TRPM6: variants seen among roughly 807,000 people sequenced by gnomAD.
TRPM6 encodes transient receptor potential cation channel subfamily M member 6, also known as channel kinase 2.
In TRPM6, 111 loss-of-function variants were observed where a neutral mutation model predicts 247.6. The ratio of observed to expected loss-of-function variants is 0.45; its 90% confidence interval spans 0.38 to 0.52. The LOEUF is 0.52. Ranked by LOEUF, TRPM6 falls within the 20% of genes least tolerant of loss-of-function variation. The pLI, the probability that TRPM6 is intolerant of heterozygous loss-of-function variation, is 0.00. For missense variants in TRPM6, 2,126 were observed against 2,421.5 expected (o/e 0.88, Z 2.56); for synonymous variants, 892 against 853.8 (o/e 1.04, Z -0.78).
intron 1 of TRPM6, among the ~76,000 whole-genome samples, chr9:74,880,547 G>GA (rs138641839): frequency 0.012 from 1,837 of 149,930 alleles, 40 homozygotes; most frequent in African/African-American, 0.043. Flanking sequence ...TCAAAATACC[G>GA]AAAAAAAAAG....
At chr9:74,728,902 C>T (rs894927711) in intron 37 of TRPM6, among the ~76,000 whole-genome samples, 1 of 152,142 alleles carries the variant, frequency 6.6e-6, no homozygotes, top group African/African-American at 2.4e-5. Context: ...TAGAGCTGGG[C>T]TTTTTGTGGA....
At chr9:74,761,926 AAAAACAAAAC>A in intron 26 of TRPM6, 63 bp downstream of exon 26, 1 of 1,563,050 alleles carries the variant, frequency 6.4e-7, no homozygotes, top group Non-Finnish European at 8.8e-7. Flanking sequence ...CACAGATTTA[AAAAACAAAAC>A]AAAACAAAAC....
chr9:74,868,564 G>A (rs78819819), intron 1 of TRPM6, among the ~76,000 whole-genome samples: 3,647 of 152,208 alleles, frequency 0.024, 137 homozygotes, highest in African/African-American at 0.08. Flanking sequence ...AAGCACTTAT[G>A]TTAACAAATG....
intron 7 of TRPM6, 165 bp downstream of exon 7, chr9:74,827,613 G>A: frequency 1.4e-6 from 1 of 736,122 alleles, no homozygotes; most frequent in South Asian, 1.4e-5. Context: ...TACATGGAGG[G>A]AGAGAGGAGG....
At chr9:74,747,967 G>A in intron 30 of TRPM6, 53 bp from the exon 31 acceptor site, 1 of 1,558,534 alleles carries the variant, frequency 6.4e-7, no homozygotes, top group South Asian at 1.1e-5. Context: ...AAATCTTACA[G>A]TTATCAAAAA....
intron 1 of TRPM6, among the ~76,000 whole-genome samples, chr9:74,874,246 A>AC (rs1831121849): frequency 1.7e-5 from 2 of 114,922 alleles, no homozygotes; most frequent in African/African-American, 5.4e-5. Flanking sequence ...AAAAACAAAA[A>AC]AAAAAAAAAA....
intron 33 of TRPM6, among the ~76,000 whole-genome samples, chr9:74,741,494 A>T (rs1309922020): frequency 6.6e-6 from 1 of 152,124 alleles, no homozygotes; most frequent in African/African-American, 2.4e-5. Context: ...GATAAATGCC[A>T]CTGAAGATCT....
intron 7 of TRPM6, among the ~76,000 whole-genome samples, chr9:74,823,100 C>T (rs1203844315): frequency 6.6e-6 from 1 of 151,946 alleles, no homozygotes; most frequent in Non-Finnish European, 1.5e-5. Context: ...TTTTATTTTC[C>T]AAAAGAAGAA....
chr9:74,786,965 G>A (rs944118196), intron 20 of TRPM6, among the ~76,000 whole-genome samples: 34 of 152,150 alleles, frequency 2.2e-4, no homozygotes, highest in Admixed American at 1.6e-3. Context: ...TTGGGAGGCC[G>A]AGGCAGGTGG....
intron 25 of TRPM6, among the ~76,000 whole-genome samples, chr9:74,769,528 G>A (rs373735472): frequency 6.6e-6 from 1 of 152,064 alleles, no homozygotes; most frequent in African/African-American, 2.4e-5. Context: ...GGAGGTCGAG[G>A]GGGGCGGATC....
Position 74,762,182 on chromosome 9 carries a change from T to G in TRPM6, c.4489A>C (p.Ser1497Arg). The G allele has an allele frequency of 6.2e-7, 1 of 1,614,200 alleles. No homozygotes were observed. The highest frequency in any genetic ancestry group is 1.3e-5 in the African/African-American group (1 of 75,064). ...SEQHQKQAQD[S>R]SLSDNSTRSA... ...CTTGTTGAGTTATCAGATAGGGAGC[T>G]GTCCTGGGCCTGCTTCTGGTGCTGT... Residue 1497 changes from serine (S) to arginine (R), a missense_variant, in exon 26 of 39, where the codon AGC (serine) becomes CGC (arginine). Transcript: ENST00000360774.
intron 1 of TRPM6, among the ~76,000 whole-genome samples, chr9:74,867,093 C>G (rs1450084186): frequency 5.3e-5 from 8 of 152,176 alleles, no homozygotes; most frequent in Admixed American, 5.2e-4. Context: ...CTTCTGCACT[C>G]AATCCTTTGC....
At chr9:74,809,851 G>A (rs1051425643) in intron 13 of TRPM6, among the ~76,000 whole-genome samples, 4 of 151,740 alleles carry the variant, frequency 2.6e-5, no homozygotes, top group Admixed American at 2.6e-4. Context: ...GTGGTGGCAG[G>A]CATCTGTAGT....
rs142104741 is a variant in TRPM6 at position 74,818,058 on chromosome 9, C to G, written c.1135-1094G>C. ...TCTATGTGCACGAATAAAATCAGTC[C>G]TCAATTGTACAACCCAATTCCTATC... is the stretch of plus-strand genomic sequence containing the variant. On this transcript the variant is annotated intron_variant, in intron 9 of 38. Coordinates refer to ENST00000360774, the MANE Select transcript of TRPM6 (RefSeq NM_017662.5). 2.4e-3 allele frequency among the ~76,000 whole-genome samples: 359 copies of G among 152,240 alleles called. 2 individuals are homozygous for G. Among genetic ancestry groups the G allele is most frequent in the African/African-American group, 8.3e-3 (344 of 41,548 alleles).
chr9:74,884,938 G>C (rs1272686679), intron 1 of TRPM6, among the ~76,000 whole-genome samples: 2 of 152,222 alleles, frequency 1.3e-5, no homozygotes, highest in African/African-American at 4.8e-5. Context: ...AAATGATGGT[G>C]AAGAGAGAGC....
chr9:74,752,454 C>T, intron 28 of TRPM6, 86 bp from the exon 29 acceptor site: 2 of 755,578 alleles, frequency 2.6e-6, no homozygotes, highest in Non-Finnish European at 2.2e-6. Flanking sequence ...AATCTGAACA[C>T]AGTACATTCA....
At chr9:74,826,267 T>C (rs1406334104) in intron 7 of TRPM6, among the ~76,000 whole-genome samples, 1 of 152,256 alleles carries the variant, frequency 6.6e-6, no homozygotes, top group African/African-American at 2.4e-5. Context: ...TAATGCCATC[T>C]GGCCAAGGTC....
intron 24 of TRPM6, 128 bp from the exon 25 acceptor site, chr9:74,771,963 T>G: frequency 1.2e-6 from 1 of 843,680 alleles, no homozygotes; most frequent in Non-Finnish European, 1.9e-6. Flanking sequence ...CTTGTCAAAC[T>G]ATTTCTAATA....
chr9:74,792,720 C>T lies in TRPM6; in HGVS notation c.2442G>A (p.Gln814=), dbSNP rs4145894. 0.2 allele frequency: 318,908 copies of T among 1,613,082 alleles called. 37,308 individuals carry two copies. The highest frequency in any genetic ancestry group is 0.44 in the East Asian group (19,889 of 44,852). Residue 814 remains glutamine (Q), a synonymous_variant, in exon 19 of 39, where the codon CAG becomes CAA. Transcript: ENST00000360774. ...RGHDEKLDEN[Q]HFGLESGHQH... is the part of the protein sequence containing the mutation. ...GGTGCCCACTTTCCAAACCAAAATG[C>T]TGATTTTCATCCAGTTTCTCATCAT...
Sources: gnomAD v4.1 joint callset for allele counts (sites outside exome capture counted in the v4.1 genomes callset) on GRCh38, gnomAD v4.1.1 for gene constraint, MANE v1.5 for transcripts, NCBI Gene and HGNC (gene_info 2026-07-23, HGNC 2026-07-21) for gene names.